TBC1D32: variants seen among roughly 807,000 people sequenced by gnomAD.
TBC1D32 encodes TBC1 domain family member 32, also known as protein broad-minded.
Under a neutral mutation model 170.3 loss-of-function variants are expected in TBC1D32, and 151 were observed. The observed-to-expected ratio is 0.89, with a 90% CI of 0.78 to 1.01. The LOEUF is 1.01. Among genes scored for constraint, TBC1D32 ranks in the 50% least tolerant of loss-of-function variants. The pLI is 0.00. For synonymous variants in TBC1D32, 498 were observed against 488.0 expected, an observed-to-expected ratio of 1.02 and a Z score of -0.27; for missense variants, 1,464 against 1,457.1, an observed-to-expected ratio of 1.00 and a Z score of -0.08.
rs1804934438 is a variant in TBC1D32, at chr6:121,292,004, A to G, written c.1372+49T>C. On this transcript the variant is annotated intron_variant, in intron 12 of 31. Coordinates refer to ENST00000398212, the MANE Select transcript of TBC1D32 (RefSeq NM_152730.6). ...TCCAAGTTTGAATACTCCACCATAT[A>G]TAAATCTTAGCATATCTTAACAAAT... The G allele has an allele frequency of 5.3e-6, 8 of 1,497,306 alleles. No homozygotes were observed. In the East Asian group the frequency reaches 1.9e-4, roughly 35 times the overall value. 92.8% of individuals were successfully genotyped at this position (1,497,306 alleles called of 1,614,324 possible).
At chr6:121,099,779 A>G (rs753334849) in intron 30 of TBC1D32, among the ~76,000 whole-genome samples, 8 of 151,980 alleles carry the variant, frequency 5.3e-5, no homozygotes, top group Non-Finnish European at 1.0e-4. Context: ...ACATTTTTAC[A>G]TTACCTTAAA....
At chr6:121,091,447 T>C (rs935219621) in intron 30 of TBC1D32, among the ~76,000 whole-genome samples, 1 of 152,162 alleles carries the variant, frequency 6.6e-6, no homozygotes, top group Non-Finnish European at 1.5e-5. Context: ...ATTATGCAGA[T>C]GACAGATTGC....
intron 31 of TBC1D32, among the ~76,000 whole-genome samples, chr6:121,090,592 C>A (rs1776705022): frequency 6.6e-6 from 1 of 152,108 alleles, no homozygotes; most frequent in East Asian, 1.9e-4. Context: ...TACAATATTT[C>A]TTTTTTGGCA....
intron 10 of TBC1D32, among the ~76,000 whole-genome samples, chr6:121,296,508 G>A (rs151298005): frequency 1.3e-5 from 2 of 152,162 alleles, no homozygotes; most frequent in Admixed American, 1.3e-4. Flanking sequence ...CTCCTACTGT[G>A]TTACTTATCT....
intron 24 of TBC1D32, among the ~76,000 whole-genome samples, chr6:121,156,674 A>G (rs1784931145): frequency 6.6e-6 from 1 of 152,040 alleles, no homozygotes; most frequent in African/African-American, 2.4e-5. Flanking sequence ...ATCTCTTAGC[A>G]CAAATTTAGC....
chr6:121,161,350 C>T (rs928628790), intron 22 of TBC1D32, among the ~76,000 whole-genome samples: 5 of 152,168 alleles, frequency 3.3e-5, no homozygotes, highest in African/African-American at 1.2e-4. Flanking sequence ...TCTCCCTCCT[C>T]CCCAGCTTCA....
chr6:121,176,415 T>G (rs190596811), intron 22 of TBC1D32, among the ~76,000 whole-genome samples: 3 of 152,032 alleles, frequency 2.0e-5, no homozygotes, highest in Non-Finnish European at 4.4e-5. Flanking sequence ...AAGGGAGAAG[T>G]ACACATTGAG....
chr6:121,128,680 A>G (rs1781112549), intron 25 of TBC1D32, among the ~76,000 whole-genome samples: 1 of 152,130 alleles, frequency 6.6e-6, no homozygotes, highest in Non-Finnish European at 1.5e-5. Flanking sequence ...ATAGTCTATA[A>G]AACCAAAATT....
At chr6:121,297,705 T>C (rs1805872458) in intron 10 of TBC1D32, among the ~76,000 whole-genome samples, 1 of 152,036 alleles carries the variant, frequency 6.6e-6, no homozygotes, top group South Asian at 2.1e-4. Context: ...TAAGATAGAA[T>C]AGAACCACAC....
At chr6:121,202,740 G>C (rs930658211) in intron 22 of TBC1D32, among the ~76,000 whole-genome samples, 12 of 151,164 alleles carry the variant, frequency 7.9e-5, no homozygotes, top group African/African-American at 3.0e-4. Flanking sequence ...GGGAGAAAAG[G>C]CGTAGGGGTG....
intron 30 of TBC1D32, among the ~76,000 whole-genome samples, chr6:121,094,050 T>G (rs1777122575): frequency 6.6e-6 from 1 of 152,022 alleles, no homozygotes; most frequent in African/African-American, 2.4e-5. Flanking sequence ...GAAATTATAT[T>G]GGCTTTACTA....
chr6:121,188,625 C>G lies in TBC1D32; in HGVS notation c.2570+16450G>C, dbSNP rs561117412. On this transcript the variant is annotated intron_variant, in intron 22 of 31. Coordinates refer to ENST00000398212, the MANE Select transcript of TBC1D32 (RefSeq NM_152730.6). ...TAAAACCTGGAGATGAATCCTCCCCCCAACAAAAACAAAACAAAATAAGGA... is the reference window on the plus strand; with the variant it reads ...TAAAACCTGGAGATGAATCCTCCCCGCAACAAAAACAAAACAAAATAAGGA... Among the ~76,000 whole-genome samples the G allele has an allele frequency of 2.0e-5, 3 of 152,106 alleles. No individual in the cohort carries two copies. In the South Asian group the frequency reaches 6.2e-4, roughly 32 times the overall value.
At chr6:121,147,470 G>C (rs568346040) in intron 24 of TBC1D32, among the ~76,000 whole-genome samples, 1 of 152,266 alleles carries the variant, frequency 6.6e-6, no homozygotes, top group South Asian at 2.1e-4. Flanking sequence ...CGGAAGCCCT[G>C]CCAACATCTG....
intron 24 of TBC1D32, among the ~76,000 whole-genome samples, chr6:121,135,939 G>A (rs1400169926): frequency 2.0e-5 from 3 of 152,036 alleles, no homozygotes; most frequent in Non-Finnish European, 4.4e-5. Context: ...AAGCAACTTA[G>A]ATGCCCACCA....
At chr6:121,285,135 G>T (rs1413081844) in intron 12 of TBC1D32, among the ~76,000 whole-genome samples, 1 of 152,104 alleles carries the variant, frequency 6.6e-6, no homozygotes, top group Admixed American at 6.6e-5. Context: ...GATAAGAATG[G>T]ATTTCACATT....
At position 121,281,686 on chromosome 6, in the gene TBC1D32, T is replaced by A. The variant is rs201652810; in HGVS notation, c.1466A>T (p.Glu489Val). Residue 489 changes from glutamate to valine, a missense_variant and splice_region_variant, in exon 14 of 32, where the codon GAG becomes GTG. This residue lies in a region of TBC1D32 where 1,363 missense variants were observed against 1,338.1 expected (regional missense o/e 1.02). Coordinates refer to ENST00000398212, the MANE Select transcript of TBC1D32 (RefSeq NM_152730.6). ...CPKMTSAAHS[E>V]NYSPASMVTE... ...CACCATACTTGCAGGAGAGTAATTC[T>A]CTAATAAACAATAAATATTTTTTAA... The A allele has an allele frequency of 2.0e-4, 308 of 1,573,038 alleles. 1 individual carries two copies. In the Middle Eastern group the frequency reaches 2.4e-3, roughly 12 times the overall value.
chr6:121,227,636 A>G (rs1285503974), intron 20 of TBC1D32, among the ~76,000 whole-genome samples: 1 of 152,080 alleles, frequency 6.6e-6, no homozygotes, highest in Non-Finnish European at 1.5e-5. Flanking sequence ...CATTTAACCA[A>G]CTTTATGTTC....
intron 20 of TBC1D32, among the ~76,000 whole-genome samples, chr6:121,230,221 C>A (rs1490090752): frequency 4.6e-5 from 7 of 152,080 alleles, no homozygotes; most frequent in Non-Finnish European, 1.0e-4. Flanking sequence ...CTGAGCATAA[C>A]CAATTTTTAA....
At chr6:121,269,171 C>G (rs148378887) in intron 15 of TBC1D32, among the ~76,000 whole-genome samples, 1 of 152,234 alleles carries the variant, frequency 6.6e-6, no homozygotes, top group Admixed American at 6.5e-5. Context: ...CCAACTTGTA[C>G]AGACCATCGA....
Sources: gnomAD v4.1 joint callset for allele counts (sites outside exome capture counted in the v4.1 genomes callset) on GRCh38, gnomAD v4.1.1 for gene constraint, gnomAD v4.1.1 regional missense constraint, MANE v1.5 for transcripts, NCBI Gene and HGNC (gene_info 2026-07-23, HGNC 2026-07-21) for gene names.